GRIA4: variants seen among roughly 807,000 people sequenced by gnomAD.
GRIA4 encodes glutamate receptor 4.
In GRIA4, 34 loss-of-function variants were observed where a neutral mutation model predicts 104.0. The ratio of observed to expected loss-of-function variants is 0.33; its 90% confidence interval spans 0.25 to 0.44. The LOEUF (loss-of-function observed/expected upper bound fraction) is 0.44. Among genes scored for constraint, GRIA4 ranks in the 20% least tolerant of loss-of-function variants. GRIA4 has a pLI of 1.00. For synonymous variants in GRIA4, 386 were observed against 381.9 expected (o/e 1.01, Z -0.13); for missense variants, 750 against 1,096.5 (o/e 0.68, Z 4.46).
At chr11:105,634,942 T>C (rs1951164329) in intron 3 of GRIA4, among the ~76,000 whole-genome samples, 1 of 152,212 alleles carries the variant, frequency 6.6e-6, no homozygotes, top group Admixed American at 6.5e-5. Context: ...GTGTGTAATT[T>C]GGGAGCGGTG....
intron 4 of GRIA4, among the ~76,000 whole-genome samples, chr11:105,843,510 A>G (rs1306753539): frequency 1.3e-5 from 2 of 152,186 alleles, no homozygotes; most frequent in African/African-American, 4.8e-5. Flanking sequence ...TGTCAAACCA[A>G]CTGTATCACC....
At chr11:105,966,751 A>G (rs1858390268) in intron 14 of GRIA4, among the ~76,000 whole-genome samples, 1 of 152,214 alleles carries the variant, frequency 6.6e-6, no homozygotes. Flanking sequence ...TAGGCAATTA[A>G]CAGAATATGC....
chr11:105,740,774 T>A (rs779193985), intron 3 of GRIA4, among the ~76,000 whole-genome samples: 28 of 152,088 alleles, frequency 1.8e-4, no homozygotes, highest in Non-Finnish European at 3.2e-4. Context: ...GAGCAGCTAC[T>A]GCAAAGGCCC....
At chr11:105,811,911 T>C (rs1943186264) in intron 4 of GRIA4, among the ~76,000 whole-genome samples, 1 of 152,290 alleles carries the variant, frequency 6.6e-6, no homozygotes, top group Non-Finnish European at 1.5e-5. Context: ...AGCACCCTTG[T>C]GGTACCCATT....
chr11:105,721,226 C>A (rs1209239961), intron 3 of GRIA4, among the ~76,000 whole-genome samples: 1 of 152,082 alleles, frequency 6.6e-6, no homozygotes, highest in Non-Finnish European at 1.5e-5. Flanking sequence ...GAACGGATCA[C>A]TAAGGAGGTG....
At chr11:105,966,309 G>A (rs367861145) in intron 14 of GRIA4, among the ~76,000 whole-genome samples, 36 of 152,328 alleles carry the variant, frequency 2.4e-4, no homozygotes, top group African/African-American at 7.2e-4. Context: ...TGGATCAGAC[G>A]TTATAAGTCT....
At chr11:105,929,439 C>T (rs1947812098) in intron 13 of GRIA4, among the ~76,000 whole-genome samples, 1 of 152,120 alleles carries the variant, frequency 6.6e-6, no homozygotes, top group Non-Finnish European at 1.5e-5. Flanking sequence ...ACTTTATATA[C>T]TTCATGTTTT....
intron 3 of GRIA4, among the ~76,000 whole-genome samples, chr11:105,693,395 C>T (rs1483531147): frequency 6.6e-6 from 1 of 152,096 alleles, no homozygotes; most frequent in Non-Finnish European, 1.5e-5. Flanking sequence ...TTAAAAATCT[C>T]TAGCAGTGGT....
rs79185386 is a variant in GRIA4 at position 105,763,212 on chromosome 11, C to A, written c.487+9992C>A. On this transcript the variant is annotated intron_variant, in intron 4 of 16. Transcript: ENST00000282499. Reference sequence around the variant, plus strand: ...AGAGGAGAAAGCACTCCAAGTAGAGCAAGTGGCACAAACCAAAGCAAGGAG... The same window carrying A: ...AGAGGAGAAAGCACTCCAAGTAGAGAAAGTGGCACAAACCAAAGCAAGGAG... Among the ~76,000 whole-genome samples, 462 of 152,192 alleles carry A rather than the reference C, an allele frequency of 3.0e-3. 6 individuals are homozygous for A. Among genetic ancestry groups the A allele is most frequent in the African/African-American group, 0.011 (453 of 41,530 alleles).
At chr11:105,697,039 T>C (rs1352272666) in intron 3 of GRIA4, among the ~76,000 whole-genome samples, 1 of 152,176 alleles carries the variant, frequency 6.6e-6, no homozygotes, top group Non-Finnish European at 1.5e-5. Flanking sequence ...GCTGGAATTA[T>C]AGATGGAACC....
At chr11:105,810,405 C>T (rs906968404) in intron 4 of GRIA4, among the ~76,000 whole-genome samples, 21 of 152,270 alleles carry the variant, frequency 1.4e-4, no homozygotes, top group African/African-American at 4.8e-4. Context: ...GTTGCTCTCA[C>T]TAACCATCTG....
intron 14 of GRIA4, among the ~76,000 whole-genome samples, chr11:105,957,022 T>C (rs1948607487): frequency 6.6e-6 from 1 of 152,210 alleles, no homozygotes; most frequent in Admixed American, 6.5e-5. Flanking sequence ...CTTTGTCAGA[T>C]GGGTAGATTG....
At chr11:105,727,363 C>T (rs117434489) in intron 3 of GRIA4, among the ~76,000 whole-genome samples, 6,516 of 152,024 alleles carry the variant, frequency 0.043, 201 homozygotes, top group Non-Finnish European at 0.069. Flanking sequence ...ATGAACAAAA[C>T]CTCAAGAAAT....
At chr11:105,903,781 C>T in intron 7 of GRIA4, 33 bp from the exon 8 acceptor site, 2 of 1,482,414 alleles carry the variant, frequency 1.3e-6, no homozygotes, top group Non-Finnish European at 1.9e-6. Context: ...AAGATTTTAA[C>T]ATTTACCATT....
At chr11:105,623,911 G>T (rs926953832) in intron 3 of GRIA4, among the ~76,000 whole-genome samples, 2 of 152,008 alleles carry the variant, frequency 1.3e-5, no homozygotes, top group African/African-American at 4.8e-5. Context: ...AATGGTTGAT[G>T]CAAAATAGGA....
intron 3 of GRIA4, among the ~76,000 whole-genome samples, chr11:105,666,793 A>T (rs577263530): frequency 2.4e-4 from 37 of 151,216 alleles, no homozygotes; most frequent in South Asian, 4.2e-4. Context: ...ACATTATTTA[A>T]TTCTCTCCTT....
At position 105,869,611 on chromosome 11, in the gene GRIA4, A is replaced by C. The variant is rs183566761; in HGVS notation, c.672+7403A>C. Among the ~76,000 whole-genome samples, 23 of 152,276 alleles carry C rather than the reference A, an allele frequency of 1.5e-4. No homozygotes were observed. In the East Asian group the frequency reaches 4.4e-3, roughly 29 times the overall value. On this transcript the variant is annotated intron_variant, in intron 5 of 16. Coordinates refer to ENST00000282499, the MANE Select transcript of GRIA4 (RefSeq NM_000829.4). ...GCAGTGAGATTAACAAAAAGGCAGC[A>C]AAACATTCAACAGTACCTTTGAGGA...
At chr11:105,963,302 G>T (rs988067657) in intron 14 of GRIA4, among the ~76,000 whole-genome samples, 4 of 152,076 alleles carry the variant, frequency 2.6e-5, no homozygotes, top group Non-Finnish European at 5.9e-5. Context: ...TAGAACAGAT[G>T]TCCAAATGGT....
At chr11:105,948,771 A>G (rs1948393384) in intron 14 of GRIA4, among the ~76,000 whole-genome samples, 1 of 151,362 alleles carries the variant, frequency 6.6e-6, no homozygotes, top group Non-Finnish European at 1.5e-5. Flanking sequence ...ACACTGAGCT[A>G]AATTTTTGTA....
Sources: allele counts gnomAD v4.1 joint callset (sites outside exome capture counted in the v4.1 genomes callset), GRCh38; gene constraint gnomAD v4.1.1; transcripts MANE v1.5; gene names NCBI Gene and HGNC (gene_info 2026-07-23, HGNC 2026-07-21).